The following FRMD6 variants were observed in gnomAD, a reference collection of about 807,000 sequenced individuals.
The protein encoded by FRMD6 is FERM domain containing 6.
In FRMD6, 37 loss-of-function variants were observed where a neutral mutation model predicts 73.2. The ratio of observed to expected loss-of-function variants is 0.51; its 90% CI spans 0.39 to 0.66. FRMD6 has a LOEUF of 0.66. Ranked by LOEUF, FRMD6 falls within the 30% of genes least tolerant of loss-of-function variation. The probability of loss-of-function intolerance (pLI) is 0.00; values close to 1 mark genes in which losing one functional copy is unlikely to be tolerated. For missense variants in FRMD6, 714 were observed against 780.5 expected (o/e 0.91, Z 1.02); for synonymous variants, 273 against 282.2 (o/e 0.97, Z 0.33).
intron 1 of FRMD6, among the ~76,000 whole-genome samples, chr14:51,546,246 G>A (rs1886456863): frequency 6.6e-6 from 1 of 151,980 alleles, no homozygotes; most frequent in Non-Finnish European, 1.5e-5. Context: ...CTTGATGCAG[G>A]ATCACATTAG....
At chr14:51,721,700 AAGGAAGGAAGGAAGGAAGGGAGGG>A (rs1566598113) in intron 11 of FRMD6, among the ~76,000 whole-genome samples, 2 of 52,166 alleles carry the variant, frequency 3.8e-5, no homozygotes, top group African/African-American at 1.1e-4. Context: ...CCCAGGAAGG[AAGGAAGGAAGGAAGGAAGGGAGGG>A]AGGAAGGGAG....
chr14:51,673,154 T>C (rs1428352955), intron 1 of FRMD6, among the ~76,000 whole-genome samples: 6 of 152,166 alleles, frequency 3.9e-5, no homozygotes, highest in African/African-American at 1.4e-4. Context: ...ATAAATATTA[T>C]AGGGTTTCTC....
chr14:51,669,884 AG>A (rs1208594840), intron 1 of FRMD6, among the ~76,000 whole-genome samples: 6 of 149,748 alleles, frequency 4.0e-5, no homozygotes, highest in African/African-American at 1.5e-4. Flanking sequence ...TAATGCCCTA[AG>A]AAAACCAGGG....
chr14:51,433,196 G>C, the FRMD6 span, among the ~76,000 whole-genome samples: 1 of 152,124 alleles, frequency 6.6e-6, no homozygotes, highest in Admixed American at 6.5e-5. Context: ...TAGAAATCTA[G>C]CCCAAAATTC....
At chr14:51,536,610 T>G (rs1885909462) in intron 1 of FRMD6, among the ~76,000 whole-genome samples, 1 of 151,710 alleles carries the variant, frequency 6.6e-6, no homozygotes, top group South Asian at 2.1e-4. Context: ...AGAGACGAGA[T>G]TTCACCATGT....
intron 2 of FRMD6, among the ~76,000 whole-genome samples, chr14:51,605,578 C>T (rs1890225585): frequency 6.6e-6 from 1 of 152,038 alleles, no homozygotes. Context: ...GAATGTCCCT[C>T]GTGAAAATGC....
At chr14:51,431,665 T>A in the FRMD6 span, among the ~76,000 whole-genome samples, 5 of 152,200 alleles carry the variant, frequency 3.3e-5, no homozygotes, top group Non-Finnish European at 7.4e-5. Context: ...AGACCTTGAA[T>A]TTTACCTGAA....
In FRMD6 at chr14:51,711,544, T is replaced by C; in HGVS notation, c.728T>C (p.Ile243Thr). 1.9e-6 allele frequency: 3 copies of C among 1,603,954 alleles called. No homozygotes were observed. The highest frequency in any genetic ancestry group is 1.7e-6 in the Non-Finnish European group (2 of 1,172,174). Reference sequence around the variant, plus strand: ...CTATTCCTACAGGATAAAAGGGAAATTGAAGCATCGCTGACTCTTGGATTG... The same window carrying C: ...CTATTCCTACAGGATAAAAGGGAAACTGAAGCATCGCTGACTCTTGGATTG... ...YYRLYKDKRE[I>T]EASLTLGLTM... is the part of the protein sequence containing the mutation. The change falls in exon 8 of 14, where the codon ATT becomes ACT. Residue 243 changes from isoleucine to threonine, a missense_variant. Ile to Thr is a moderately conservative substitution (Grantham distance 89). Transcript: ENST00000344768.
Position 51,627,561 on chromosome 14 carries a change from G to C in FRMD6, c.-147+57151G>C, listed in dbSNP as rs74619489. ...AGTGGGAGAGCACTGGGCAGAGATA[G>C]GCTGCTGGGCCAAGACAGGAAATGG... On this transcript the variant is annotated intron_variant, in intron 2 of 14. Transcript: ENST00000356218. Among the ~76,000 whole-genome samples the C allele has an allele frequency of 1.6e-3, 251 of 152,288 alleles. 1 individual carries two copies. Among genetic ancestry groups the C allele is most frequent in the African/African-American group, 5.8e-3 (240 of 41,572 alleles).
rs1246337832 is a variant in FRMD6, at chr14:51,727,961, G to C, written c.1801G>C (p.Val601Leu). The change falls in exon 14 of 14, where the codon GTC becomes CTC. Residue 601 changes from valine (V) to leucine (L), a missense_variant. Physicochemically the swap from Val to Leu is conservative, Grantham distance 32. Coordinates refer to ENST00000344768, the MANE Select transcript of FRMD6 (RefSeq NM_001267046.2). ...CATCAACATCCAAGATGCTTTTCCA[G>C]TCAAAAGAACCAGCAAATACTTTTC... ...QCINIQDAFP[V>L]KRTSKYFSLD... 2 of 1,614,076 alleles carry C rather than the reference G, an allele frequency of 1.2e-6. No homozygotes were observed. The highest frequency in any genetic ancestry group is 2.7e-5 in the African/African-American group (2 of 75,062).
intron 2 of FRMD6, among the ~76,000 whole-genome samples, chr14:51,599,058 CTTTTTTTTTTT>C (rs59151771): frequency 2.7e-5 from 2 of 72,798 alleles, no homozygotes; most frequent in Non-Finnish European, 5.0e-5. Flanking sequence ...CAGTATCTGT[CTTTTTTTTTTT>C]TTTTTTTTTT....
intron 1 of FRMD6, among the ~76,000 whole-genome samples, chr14:51,536,099 G>T (rs753247558): frequency 1.1e-3 from 167 of 147,284 alleles, no homozygotes; most frequent in Non-Finnish European, 1.6e-3. Context: ...TATATATATA[G>T]AGAGAGAGAG....
chr14:51,591,973 A>C (rs1022172324), intron 2 of FRMD6, among the ~76,000 whole-genome samples: 2 of 152,224 alleles, frequency 1.3e-5, no homozygotes, highest in African/African-American at 4.8e-5. Flanking sequence ...TCTAGCTTTC[A>C]TGGTCATTTT....
At chr14:51,683,043 C>T (rs189846043) in intron 1 of FRMD6, among the ~76,000 whole-genome samples, 31 of 152,254 alleles carry the variant, frequency 2.0e-4, no homozygotes, top group East Asian at 7.7e-4. Context: ...TACACCCATA[C>T]GCACTGTCTT....
At chr14:51,411,646 G>A in the FRMD6 span, among the ~76,000 whole-genome samples, 4 of 152,214 alleles carry the variant, frequency 2.6e-5, no homozygotes, top group Non-Finnish European at 4.4e-5. Context: ...TAATTTGAAT[G>A]AGTCTCTGTT....
At chr14:51,498,034 A>C (rs17124018) in intron 1 of FRMD6, among the ~76,000 whole-genome samples, 2,403 of 152,298 alleles carry the variant, frequency 0.016, 21 homozygotes, top group Middle Eastern at 0.027. Context: ...AATGAGGAAC[A>C]GTCTTACATT....
At chr14:51,563,907 C>T (rs1338935310) in intron 1 of FRMD6, among the ~76,000 whole-genome samples, 1 of 152,220 alleles carries the variant, frequency 6.6e-6, no homozygotes, top group Non-Finnish European at 1.5e-5. Flanking sequence ...AGAATTCCCA[C>T]AAGATTAATA....
intron 10 of FRMD6, among the ~76,000 whole-genome samples, chr14:51,718,752 T>C (rs1363449690): frequency 6.6e-6 from 1 of 152,226 alleles, no homozygotes; most frequent in Non-Finnish European, 1.5e-5. Context: ...TTTCAGCCAG[T>C]TCCTTAGAAC....
chr14:51,722,063 A>G lies in FRMD6; in HGVS notation c.1475A>G (p.Lys492Arg). The G allele has an allele frequency of 6.2e-7, 1 of 1,614,134 alleles. No homozygotes were observed. Among genetic ancestry groups the G allele is most frequent in the South Asian group, 1.1e-5 (1 of 91,070 alleles). Residue 492 changes from lysine to arginine, a missense_variant, in exon 12 of 14, where the codon AAG (lysine) becomes AGG (arginine). Physicochemically the swap from Lys to Arg is conservative, Grantham distance 26. Transcript: ENST00000344768. ...YITEDMLMSR[K>R]LNGHSGLIVK... ...ACAGAGGACATGCTCATGTCGCGGA[A>G]GCTGAATGGACACTCTGGTGAGCTC...
Sources: allele counts gnomAD v4.1 joint callset (sites outside exome capture counted in the v4.1 genomes callset), GRCh38; gene constraint gnomAD v4.1.1; transcripts MANE v1.5; gene names NCBI Gene and HGNC (gene_info 2026-07-23, HGNC 2026-07-21).